EML6: variants seen among roughly 807,000 people sequenced by gnomAD.
EML6 encodes EMAP like 6.
In EML6, 154 loss-of-function variants were observed where a neutral mutation model predicts 240.1. The ratio of observed to expected loss-of-function variants is 0.64; its 90% confidence interval spans 0.56 to 0.73. EML6 has a LOEUF of 0.73. EML6 is among the 30% of genes least tolerant of loss of function. The pLI is 0.00. For synonymous variants in EML6, 1,148 were observed against 899.0 expected (o/e 1.28, Z -4.95); for missense variants, 2,964 against 2,474.6 (o/e 1.20, Z -4.20).
chr2:54,810,411 C>G (rs1223142691), intron 2 of EML6, among the ~76,000 whole-genome samples: 1 of 152,092 alleles, frequency 6.6e-6, no homozygotes, highest in Non-Finnish European at 1.5e-5. Context: ...TCCCCCCAAC[C>G]CCGTCATTCA....
At chr2:54,818,142 C>T (rs1216471833) in intron 4 of EML6, among the ~76,000 whole-genome samples, 1 of 152,080 alleles carries the variant, frequency 6.6e-6, no homozygotes, top group East Asian at 1.9e-4. Flanking sequence ...AATTTTGGGC[C>T]TTATCACCTT....
chr2:54,916,694 C>T, intron 25 of EML6, 65 bp from the exon 26 acceptor site: 1 of 1,316,098 alleles, frequency 7.6e-7, no homozygotes, highest in Non-Finnish European at 1.0e-6. Context: ...CAGGTGCAAA[C>T]TGTTTCTTTT....
chr2:54,907,559 C>G (rs1284607020), intron 24 of EML6, among the ~76,000 whole-genome samples: 1 of 152,144 alleles, frequency 6.6e-6, no homozygotes, highest in Non-Finnish European at 1.5e-5. Context: ...ATTTCATTCC[C>G]ATTTTTGTTG....
At chr2:54,876,669 G>C (rs1422865116) in intron 16 of EML6, among the ~76,000 whole-genome samples, 1 of 152,186 alleles carries the variant, frequency 6.6e-6, no homozygotes, top group Non-Finnish European at 1.5e-5. Context: ...TATTTGTACA[G>C]TGTTTTTGAA....
At chr2:54,734,203 TG>T (rs35197299) in intron 2 of EML6, among the ~76,000 whole-genome samples, 2 of 152,192 alleles carry the variant, frequency 1.3e-5, no homozygotes, top group Non-Finnish European at 2.9e-5. Flanking sequence ...CCGGGCATGA[TG>T]GCGGGTGCCT....
chr2:54,848,777 T>A (rs1454588892), intron 9 of EML6, among the ~76,000 whole-genome samples: 1 of 152,178 alleles, frequency 6.6e-6, no homozygotes, highest in Non-Finnish European at 1.5e-5. Context: ...AGCTTTCCAG[T>A]GTGAGCAGAA....
intron 35 of EML6, among the ~76,000 whole-genome samples, chr2:54,960,833 T>C (rs1436672879): frequency 1.3e-5 from 2 of 152,116 alleles, no homozygotes; most frequent in East Asian, 1.9e-4. Flanking sequence ...TTTTAAAGAA[T>C]ATGGATGTCC....
chr2:54,805,273 C>G (rs1341630024), intron 2 of EML6, among the ~76,000 whole-genome samples: 1 of 152,176 alleles, frequency 6.6e-6, no homozygotes, highest in African/African-American at 2.4e-5. Context: ...GACTTGTATG[C>G]AAGTCTTTGT....
intron 17 of EML6, among the ~76,000 whole-genome samples, chr2:54,885,855 C>T (rs1265668864): frequency 1.3e-5 from 2 of 152,026 alleles, no homozygotes; most frequent in Admixed American, 6.5e-5. Context: ...TCGTGATCCC[C>T]CTGCCTCGGC....
chr2:54,806,630 AAAAAAAAAAAAAAAG>A, intron 2 of EML6, among the ~76,000 whole-genome samples: 2 of 149,326 alleles, frequency 1.3e-5, no homozygotes, highest in Non-Finnish European at 3.0e-5. Context: ...AAAAAAAAAA[AAAAAAAAAAAAAAAG>A]AATGTCCGTT....
intron 28 of EML6, among the ~76,000 whole-genome samples, chr2:54,941,648 G>A (rs1028334677): frequency 2.0e-5 from 3 of 152,328 alleles, no homozygotes; most frequent in East Asian, 1.9e-4. Flanking sequence ...TTTCCATCCC[G>A]TTTCCAAGGC....
intron 37 of EML6, among the ~76,000 whole-genome samples, 151 bp downstream of exon 37, chr2:54,964,309 T>G (rs1676654882): frequency 6.6e-6 from 1 of 152,244 alleles, no homozygotes; most frequent in South Asian, 2.1e-4. Context: ...TCTCCCACTC[T>G]CACTCTTAGA....
In EML6 at chr2:54,778,697, G is replaced by A. The variant is rs568479387; in HGVS notation, c.198-34535G>A. Among the ~76,000 whole-genome samples, 389 of 151,896 alleles carry A rather than the reference G, an allele frequency of 2.6e-3. 4 individuals are homozygous for A. Among genetic ancestry groups the A allele is most frequent in the Non-Finnish European group, 3.2e-3 (216 of 67,962 alleles). ...AGGTCAGGAGATCGAGACCATCCTG[G>A]CTATCACGGTGAAACCCCATCTCTA... On this transcript the variant is annotated intron_variant, in intron 2 of 41. Transcript: ENST00000356458.
intron 17 of EML6, chr2:54,881,524 G>A (rs1420961052): frequency 2.6e-5 from 4 of 151,692 alleles, no homozygotes; most frequent in African/African-American, 4.9e-5. Flanking sequence ...GCGTGGTGGC[G>A]GGCGCCTGTA....
chr2:54,958,089 C>G (rs1676318213), intron 33 of EML6, 91 bp downstream of exon 33: 1 of 1,132,546 alleles, frequency 8.8e-7, no homozygotes, highest in Non-Finnish European at 1.2e-6. Flanking sequence ...GGCCAAGAGG[C>G]TGAAAACAGC....
rs1463235119 is a variant in EML6, at chr2:54,827,720, A to G, written c.680A>G (p.Asn227Ser). 3.2e-6 allele frequency: 5 copies of G among 1,551,592 alleles called. No individual in the cohort carries two copies. The Admixed American group carries it at 5.9e-5, about 18-fold the overall frequency. ...GACATCTATGTCTGGAAAGGGCTCA[A>G]TTTAGTCCGCACCATTCAAGGAGCA... ...NGDIYVWKGL[N>S]LVRTIQGAHS... is the part of the protein sequence containing the mutation. The change falls in exon 6 of 42, where the codon AAT becomes AGT. Residue 227 changes from asparagine (N) to serine (S), a missense_variant. Asn to Ser is a conservative substitution (Grantham distance 46, BLOSUM62 1). Coordinates refer to ENST00000356458, the MANE Select transcript of EML6 (RefSeq NM_001039753.4).
intron 13 of EML6, among the ~76,000 whole-genome samples, chr2:54,865,517 C>G (rs1670925966): frequency 6.6e-6 from 1 of 152,112 alleles, no homozygotes; most frequent in Non-Finnish European, 1.5e-5. Flanking sequence ...ATGCCTACGA[C>G]TTAAACAGTT....
rs1004320520 is a variant in EML6, at chr2:54,970,222, C to G, written c.*127C>G. On this transcript the variant is annotated 3_prime_UTR_variant, in exon 42 of 42. Transcript: ENST00000356458. ...TACCATGCTGCCCCGGATGCACAAGCTCAAAACGCTGCAGAAGTTACACAA... is the reference window on the plus strand; with the variant it reads ...TACCATGCTGCCCCGGATGCACAAGGTCAAAACGCTGCAGAAGTTACACAA... 4.5e-6 allele frequency: 4 copies of G among 886,830 alleles called. No individual in the cohort carries two copies. Among genetic ancestry groups the G allele is most frequent in the African/African-American group, 1.7e-5 (1 of 60,150 alleles). The allele number at this position is 886,830 out of a possible 1,614,324, so 54.9% of individuals were successfully genotyped here. A position where few individuals can be genotyped will look rare whatever the true frequency, so the allele number is the denominator to read the frequency against.
chr2:54,769,934 A>G (rs931648716), intron 2 of EML6, among the ~76,000 whole-genome samples: 3 of 152,184 alleles, frequency 2.0e-5, no homozygotes, highest in Non-Finnish European at 2.9e-5. Context: ...TAAATTTTAT[A>G]TAGATCTTTG....
Sources: gnomAD v4.1 joint callset for allele counts (sites outside exome capture counted in the v4.1 genomes callset) on GRCh38, gnomAD v4.1.1 for gene constraint, MANE v1.5 for transcripts, NCBI Gene and HGNC (gene_info 2026-07-23, HGNC 2026-07-21) for gene names.